CIMIP4: variants seen among roughly 807,000 people sequenced by gnomAD.
The protein encoded by CIMIP4 is protein EAN57.
the CIMIP4 span, among the ~76,000 whole-genome samples, chr22:36,992,533 G>A: frequency 6.6e-6 from 1 of 152,250 alleles, no homozygotes; most frequent in African/African-American, 2.4e-5. Context: ...GCAATAAGAT[G>A]CCTGGGACTT....
the CIMIP4 span, among the ~76,000 whole-genome samples, chr22:37,002,970 G>T: frequency 6.6e-6 from 1 of 152,180 alleles, no homozygotes; most frequent in African/African-American, 2.4e-5. Flanking sequence ...GCTTCTCTAG[G>T]TCTCTTGCTC....
the CIMIP4 span, among the ~76,000 whole-genome samples, chr22:36,997,301 T>C: frequency 1.1e-4 from 17 of 152,372 alleles, no homozygotes; most frequent in African/African-American, 3.8e-4. Flanking sequence ...CGATTTAGCA[T>C]AGGATAGGAG....
the CIMIP4 span, among the ~76,000 whole-genome samples, chr22:36,992,038 A>G: frequency 2.6e-5 from 4 of 152,356 alleles, no homozygotes; most frequent in African/African-American, 9.6e-5. Context: ...TTGAATGATC[A>G]GATACAGAAT....
the CIMIP4 span, among the ~76,000 whole-genome samples, chr22:36,998,798 C>T: frequency 6.6e-6 from 1 of 152,150 alleles, no homozygotes; most frequent in African/African-American, 2.4e-5. Context: ...CCCACCCTTC[C>T]TTTCTTCCCA....
the CIMIP4 span, among the ~76,000 whole-genome samples, chr22:36,993,796 A>G: frequency 6.6e-5 from 10 of 152,182 alleles, no homozygotes; most frequent in African/African-American, 2.4e-4. Context: ...GATCATGGAA[A>G]TAAACCCAAA....
chr22:37,002,144 C>T, the CIMIP4 span: 3 of 1,529,102 alleles, frequency 2.0e-6, no homozygotes, highest in Non-Finnish European at 2.6e-6. Flanking sequence ...CCCTAGGGAG[C>T]TGCCTTGAGC....
the CIMIP4 span, among the ~76,000 whole-genome samples, chr22:36,996,522 A>G: frequency 6.6e-6 from 1 of 152,152 alleles, no homozygotes; most frequent in Non-Finnish European, 1.5e-5. Flanking sequence ...AATGTTACTG[A>G]GAGATATCGA....
the CIMIP4 span, chr22:36,991,165 CT>C: frequency 6.2e-7 from 1 of 1,611,254 alleles, no homozygotes; most frequent in Non-Finnish European, 8.5e-7. Context: ...GAAGACACCT[CT>C]ACTGTGTCAA....
At chr22:36,995,788 G>T in the CIMIP4 span, among the ~76,000 whole-genome samples, 1 of 152,230 alleles carries the variant, frequency 6.6e-6, no homozygotes, top group East Asian at 1.9e-4. Context: ...ATGATGTGAG[G>T]CCTCCCCAGC....
chr22:36,991,562 T>C, the CIMIP4 span: 1 of 1,614,200 alleles, frequency 6.2e-7, no homozygotes, highest in Admixed American at 1.7e-5. Flanking sequence ...TAAGAAGCCT[T>C]CATGAGGCTC....
the CIMIP4 span, among the ~76,000 whole-genome samples, chr22:36,992,140 G>C: frequency 6.6e-6 from 1 of 151,848 alleles, no homozygotes; most frequent in African/African-American, 2.4e-5. Context: ...CGAGGTCAGG[G>C]GTTCGAGACC....
At chr22:37,000,934 T>A in the CIMIP4 span, among the ~76,000 whole-genome samples, 1 of 152,178 alleles carries the variant, frequency 6.6e-6, no homozygotes, top group African/African-American at 2.4e-5. Context: ...AGGAGAAGCC[T>A]GACCCCCAGC....
At chr22:37,003,846 G>T in the CIMIP4 span, 1 of 977,088 alleles carries the variant, frequency 1.0e-6, no homozygotes, top group Non-Finnish European at 1.4e-6. Flanking sequence ...GGCCGATGGT[G>T]GGTCTGGAGG....
the CIMIP4 span, chr22:37,002,160 C>A: frequency 0.21 from 319,960 of 1,515,300 alleles, 38,142 homozygotes; most frequent in East Asian, 0.6. Flanking sequence ...TGAGCGCTGG[C>A]TCCCAGGGGC....
At chr22:37,004,129 G>C in the CIMIP4 span, 1 of 1,067,654 alleles carries the variant, frequency 9.4e-7, no homozygotes. Flanking sequence ...CTGTCTGCCC[G>C]CCCCTGATCA....
the CIMIP4 span, chr22:36,999,877 A>T: frequency 1.9e-6 from 3 of 1,613,974 alleles, no homozygotes; most frequent in Non-Finnish European, 2.5e-6. Context: ...AGCCGAGGTC[A>T]TAGTAGTCTG....
At chr22:37,007,257 C>G in the CIMIP4 span, among the ~76,000 whole-genome samples, 1 of 152,198 alleles carries the variant, frequency 6.6e-6, no homozygotes, top group African/African-American at 2.4e-5. Flanking sequence ...GTCAAGCATT[C>G]TCACATCTGG....
chr22:37,001,978 G>T, the CIMIP4 span: 1 of 1,613,956 alleles, frequency 6.2e-7, no homozygotes, highest in South Asian at 1.1e-5. Flanking sequence ...CCGTCCCCTG[G>T]CATGGCTGAG....
At chr22:36,993,749 A>G in the CIMIP4 span, among the ~76,000 whole-genome samples, 1 of 152,000 alleles carries the variant, frequency 6.6e-6, no homozygotes, top group Non-Finnish European at 1.5e-5. Context: ...AAAAGAAAAG[A>G]AAAGAAAAAG....
Sources: gnomAD v4.1 joint callset for allele counts (sites outside exome capture counted in the v4.1 genomes callset) on GRCh38, gnomAD v4.1.1 for gene constraint, MANE v1.5 for transcripts, NCBI Gene and HGNC (gene_info 2026-07-23, HGNC 2026-07-21) for gene names.